Variants in CADM2 observed in about 807,000 individuals in gnomAD.
CADM2 encodes cell adhesion molecule 2.
CADM2 carries 12 observed loss-of-function variants against 49.8 expected under a neutral mutation model. The observed-to-expected ratio is 0.24, with a 90% confidence interval of 0.15 to 0.39. The LOEUF (loss-of-function observed/expected upper bound fraction) is 0.39. CADM2 is among the 10% of genes least tolerant of loss of function. The pLI is 1.00. For missense variants in CADM2, 378 were observed against 492.3 expected, an observed-to-expected ratio of 0.77 and a Z score of 2.20; for synonymous variants, 214 against 175.4, an observed-to-expected ratio of 1.22 and a Z score of -1.74.
intron 1 of CADM2, among the ~76,000 whole-genome samples, chr3:84,968,105 T>C (rs939974720): frequency 2.8e-4 from 43 of 152,206 alleles, no homozygotes; most frequent in African/African-American, 9.9e-4. Context: ...TCATTTATTT[T>C]CTCATGAATT....
chr3:85,937,661 G>C (rs1243965542), intron 7 of CADM2, among the ~76,000 whole-genome samples: 1 of 151,952 alleles, frequency 6.6e-6, no homozygotes, highest in East Asian at 1.9e-4. Context: ...TGAAGCCCTA[G>C]ATGCTTTAGG....
At chr3:85,138,730 A>G (rs2039491042) in intron 1 of CADM2, among the ~76,000 whole-genome samples, 1 of 152,056 alleles carries the variant, frequency 6.6e-6, no homozygotes, top group South Asian at 2.1e-4. Context: ...CTTCATGTTA[A>G]TGCCACCATC....
intron 1 of CADM2, among the ~76,000 whole-genome samples, chr3:85,664,223 A>G (rs1450573725): frequency 6.6e-6 from 1 of 151,932 alleles, no homozygotes; most frequent in Non-Finnish European, 1.5e-5. Context: ...AATATCTCCC[A>G]TGACCCCGTG....
intron 1 of CADM2, among the ~76,000 whole-genome samples, chr3:85,266,048 C>A (rs779450270): frequency 6.6e-6 from 1 of 151,772 alleles, no homozygotes; most frequent in Non-Finnish European, 1.5e-5. Flanking sequence ...AGAAAATAGT[C>A]TCATAATGGA....
intron 7 of CADM2, among the ~76,000 whole-genome samples, chr3:85,937,793 G>A (rs569457056): frequency 1.3e-5 from 2 of 151,870 alleles, no homozygotes; most frequent in South Asian, 4.1e-4. Flanking sequence ...GTCGTTTCTG[G>A]CATGAGTTCT....
intron 1 of CADM2, among the ~76,000 whole-genome samples, chr3:85,384,719 A>G (rs1559812720): frequency 6.6e-6 from 1 of 151,796 alleles, no homozygotes; most frequent in Non-Finnish European, 1.5e-5. Flanking sequence ...GTGTATATAT[A>G]TATAACAATT....
chr3:85,834,537 T>C (rs944340951), intron 3 of CADM2, among the ~76,000 whole-genome samples: 1 of 151,658 alleles, frequency 6.6e-6, no homozygotes, highest in Admixed American at 6.6e-5. Context: ...ATCAAAATAT[T>C]CTGATCTGCT....
chr3:85,391,323 A>T (rs2034507755), intron 1 of CADM2, among the ~76,000 whole-genome samples: 1 of 152,090 alleles, frequency 6.6e-6, no homozygotes, highest in Admixed American at 6.5e-5. Flanking sequence ...TAAAAAGAGG[A>T]CATAGAAGAA....
chr3:85,817,491 C>T (rs2073283330), intron 3 of CADM2, among the ~76,000 whole-genome samples: 1 of 141,308 alleles, frequency 7.1e-6, no homozygotes, highest in African/African-American at 2.6e-5. Context: ...AAAATATTGT[C>T]TGGGTATTGA....
At chr3:86,047,150 T>G (rs541603069) in intron 8 of CADM2, among the ~76,000 whole-genome samples, 1 of 152,260 alleles carries the variant, frequency 6.6e-6, no homozygotes, top group South Asian at 2.1e-4. Flanking sequence ...TAAACATAGC[T>G]CTATTATTTC....
At chr3:85,497,583 T>C (rs1173982199) in intron 1 of CADM2, among the ~76,000 whole-genome samples, 6 of 152,170 alleles carry the variant, frequency 3.9e-5, no homozygotes, top group African/African-American at 1.4e-4. Context: ...AAATTTTAAA[T>C]GTTTTGTAAT....
intron 1 of CADM2, among the ~76,000 whole-genome samples, chr3:85,054,388 A>G (rs1299682614): frequency 6.6e-6 from 1 of 151,890 alleles, no homozygotes; most frequent in Non-Finnish European, 1.5e-5. Context: ...ACTGAGAAAT[A>G]ATTCTGGAAA....
intron 1 of CADM2, among the ~76,000 whole-genome samples, chr3:85,698,373 G>T (rs1195905450): frequency 1.3e-5 from 2 of 152,122 alleles, no homozygotes; most frequent in Non-Finnish European, 2.9e-5. Flanking sequence ...GAAGCTATAT[G>T]GTATTTCTAG....
At chr3:84,986,627 T>C (rs2032570166) in intron 1 of CADM2, among the ~76,000 whole-genome samples, 1 of 151,574 alleles carries the variant, frequency 6.6e-6, no homozygotes, top group South Asian at 2.1e-4. Context: ...CGGGGAGGGA[T>C]AGCATTAGGA....
intron 1 of CADM2, among the ~76,000 whole-genome samples, chr3:85,686,284 G>A (rs1224026268): frequency 6.6e-6 from 1 of 152,096 alleles, no homozygotes; most frequent in East Asian, 1.9e-4. Context: ...TTCACTTCCT[G>A]TCAACATTAA....
At chr3:85,353,664 A>C (rs1297885560) in intron 1 of CADM2, among the ~76,000 whole-genome samples, 1 of 151,668 alleles carries the variant, frequency 6.6e-6, no homozygotes, top group Non-Finnish European at 1.5e-5. Context: ...GTTACATAAT[A>C]TTGCTACATC....
chr3:85,523,919 A>G (rs962187806), intron 1 of CADM2, among the ~76,000 whole-genome samples: 1 of 152,160 alleles, frequency 6.6e-6, no homozygotes, highest in African/African-American at 2.4e-5. Flanking sequence ...AGCCCAACAA[A>G]AAAATAAATT....
At chr3:85,218,752 C>T (rs1006712033) in intron 1 of CADM2, among the ~76,000 whole-genome samples, 2 of 152,138 alleles carry the variant, frequency 1.3e-5, no homozygotes, top group Admixed American at 6.5e-5. Context: ...GCCGAGATTA[C>T]GCCCACTGCA....
chr3:85,868,787 C>T (rs1286212100), intron 3 of CADM2, among the ~76,000 whole-genome samples: 3 of 152,088 alleles, frequency 2.0e-5, no homozygotes, highest in Non-Finnish European at 4.4e-5. Flanking sequence ...TTATCTTCTG[C>T]TTTCTGAGCT....
Sources: allele counts gnomAD v4.1 joint callset (sites outside exome capture counted in the v4.1 genomes callset), GRCh38; gene constraint gnomAD v4.1.1; transcripts MANE v1.5; gene names NCBI Gene and HGNC (gene_info 2026-07-23, HGNC 2026-07-21).